Variants in CDH13 observed in about 807,000 individuals in gnomAD.
The protein encoded by CDH13 is cadherin-13.
Under a neutral mutation model 63.8 loss-of-function variants are expected in CDH13, and 24 were observed. That is an observed-to-expected ratio of 0.38 (90% CI 0.27 to 0.53). The LOEUF is 0.53. Ranked by LOEUF, CDH13 falls within the 20% of genes least tolerant of loss-of-function variation. The pLI, the probability that CDH13 is intolerant of heterozygous loss-of-function variation, is 0.85. For synonymous variants in CDH13, 503 were observed against 355.3 expected, an observed-to-expected ratio of 1.42 and a Z score of -4.67; for missense variants, 1,049 against 903.1, an observed-to-expected ratio of 1.16 and a Z score of -2.07.
At chr16:83,631,223 A>T (rs1910752323) in intron 8 of CDH13, among the ~76,000 whole-genome samples, 1 of 152,204 alleles carries the variant, frequency 6.6e-6, no homozygotes, top group South Asian at 2.1e-4. Context: ...TCCTGGAAGA[A>T]TTCTATTTAT....
intron 7 of CDH13, among the ~76,000 whole-genome samples, chr16:83,539,104 T>A (rs1429304847): frequency 6.6e-6 from 1 of 152,160 alleles, no homozygotes; most frequent in Non-Finnish European, 1.5e-5. Context: ...ATCTTGAGAA[T>A]CTAGTATCCT....
At chr16:83,201,672 C>G (rs1041798950) in intron 4 of CDH13, among the ~76,000 whole-genome samples, 2 of 151,348 alleles carry the variant, frequency 1.3e-5, no homozygotes, top group Non-Finnish European at 1.5e-5. Flanking sequence ...CTGAGGCGGG[C>G]AGGTCACGAG....
At chr16:83,025,983 C>T (rs921681884) in intron 2 of CDH13, among the ~76,000 whole-genome samples, 2 of 152,162 alleles carry the variant, frequency 1.3e-5, no homozygotes. Context: ...TTTTAATGCT[C>T]CTTCAGCATT....
At chr16:83,180,855 T>G in intron 4 of CDH13, 1 of 1,504,380 alleles carries the variant, frequency 6.6e-7, no homozygotes, top group Non-Finnish European at 8.9e-7. Context: ...AAAATGTGTT[T>G]TTTTTTTCTT....
intron 7 of CDH13, among the ~76,000 whole-genome samples, chr16:83,534,086 C>T (rs2075137724): frequency 6.6e-6 from 1 of 152,118 alleles, no homozygotes; most frequent in African/African-American, 2.4e-5. Context: ...TCTCATCGCC[C>T]CCAAATGAAA....
chr16:82,909,868 A>G (rs935486361), intron 2 of CDH13, among the ~76,000 whole-genome samples: 1 of 152,030 alleles, frequency 6.6e-6, no homozygotes, highest in East Asian at 1.9e-4. Context: ...TTTCTTCCCA[A>G]TTTTTGCCCA....
At chr16:82,721,341 A>C (rs911634353) in intron 1 of CDH13, among the ~76,000 whole-genome samples, 1 of 152,180 alleles carries the variant, frequency 6.6e-6, no homozygotes, top group African/African-American at 2.4e-5. Context: ...AAGGAACATC[A>C]ATTCTGCCTT....
At chr16:83,404,131 A>G (rs2092008076) in intron 6 of CDH13, among the ~76,000 whole-genome samples, 1 of 152,222 alleles carries the variant, frequency 6.6e-6, no homozygotes, top group African/African-American at 2.4e-5. Context: ...ATTCTGAAGA[A>G]GTTTCTCGCC....
intron 11 of CDH13, among the ~76,000 whole-genome samples, chr16:83,769,555 T>A (rs707236): frequency 0.29 from 44,253 of 152,114 alleles, 7,080 homozygotes; most frequent in Admixed American, 0.44. Context: ...AAAGGGGAAG[T>A]GAGCAAGGGC....
chr16:82,682,416 T>C (rs1402159844), intron 1 of CDH13, among the ~76,000 whole-genome samples: 1 of 152,180 alleles, frequency 6.6e-6, no homozygotes, highest in Non-Finnish European at 1.5e-5. Context: ...AGGCCACCTA[T>C]TGGAGGCAGG....
At chr16:83,056,149 G>A (rs956266357) in intron 3 of CDH13, among the ~76,000 whole-genome samples, 6 of 151,982 alleles carry the variant, frequency 3.9e-5, no homozygotes, top group Middle Eastern at 3.2e-3. Context: ...AAAACTACAC[G>A]GAAATTATTC....
At chr16:83,255,987 T>C (rs1906214170) in intron 5 of CDH13, among the ~76,000 whole-genome samples, 1 of 152,178 alleles carries the variant, frequency 6.6e-6, no homozygotes, top group Admixed American at 6.5e-5. Flanking sequence ...CCCAACTTCC[T>C]AGGGCCACTG....
intron 4 of CDH13, among the ~76,000 whole-genome samples, chr16:83,188,454 T>C (rs1040367209): frequency 6.6e-5 from 10 of 152,186 alleles, no homozygotes; most frequent in Admixed American, 6.5e-4. Flanking sequence ...CTGTCATGCA[T>C]TCTTTTTGAG....
chr16:82,937,681 A>G (rs1379906402), intron 2 of CDH13, among the ~76,000 whole-genome samples: 1 of 152,220 alleles, frequency 6.6e-6, no homozygotes, highest in Non-Finnish European at 1.5e-5. Context: ...TTATCTCTGA[A>G]CTGCAGGAAC....
chr16:83,620,654 A>G (rs578017024), intron 8 of CDH13, among the ~76,000 whole-genome samples: 50 of 152,222 alleles, frequency 3.3e-4, no homozygotes, highest in African/African-American at 1.2e-3. Flanking sequence ...CTCTCACCTA[A>G]TACTTGCACC....
intron 1 of CDH13, among the ~76,000 whole-genome samples, chr16:82,841,925 C>T (rs888302775): frequency 1.3e-4 from 19 of 151,496 alleles, no homozygotes; most frequent in African/African-American, 4.4e-4. Context: ...ATGATGGGAG[C>T]ATTTATGCCC....
At chr16:83,644,504 A>G (rs1406834377) in intron 8 of CDH13, among the ~76,000 whole-genome samples, 1 of 152,256 alleles carries the variant, frequency 6.6e-6, no homozygotes, top group East Asian at 1.9e-4. Context: ...TGCCTGGCCC[A>G]AAAGTATGAG....
At chr16:83,206,595 G>A in intron 4 of CDH13, among the ~76,000 whole-genome samples, 1 of 152,262 alleles carries the variant, frequency 6.6e-6, no homozygotes, top group East Asian at 1.9e-4. Flanking sequence ...ATCACTGTGT[G>A]CCAGAAACTG....
intron 6 of CDH13, among the ~76,000 whole-genome samples, chr16:83,376,034 C>G (rs1378780124): frequency 2.0e-5 from 3 of 152,162 alleles, no homozygotes; most frequent in Non-Finnish European, 2.9e-5. Context: ...ATAGCAGTAT[C>G]TAGGTGTTCC....
Sources: gnomAD v4.1 joint callset for allele counts (sites outside exome capture counted in the v4.1 genomes callset) on GRCh38, gnomAD v4.1.1 for gene constraint, MANE v1.5 for transcripts, NCBI Gene and HGNC (gene_info 2026-07-23, HGNC 2026-07-21) for gene names.